Variants in BMPR1B observed in about 807,000 individuals in gnomAD.
The protein encoded by BMPR1B is bone morphogenetic protein receptor type-1B.
BMPR1B carries 12 observed loss-of-function variants against 59.1 expected under a neutral mutation model. That is an observed-to-expected ratio of 0.20 (90% CI 0.13 to 0.33). The LOEUF (loss-of-function observed/expected upper bound fraction) is 0.33. Among genes scored for constraint, BMPR1B ranks in the 10% least tolerant of loss-of-function variants. BMPR1B has a pLI of 1.00. For missense variants in BMPR1B, 550 were observed against 610.9 expected (o/e 0.90, Z 1.05); for synonymous variants, 237 against 207.3 (o/e 1.14, Z -1.23).
At chr4:94,903,196 A>G (rs1317111514) in intron 2 of BMPR1B, among the ~76,000 whole-genome samples, 1 of 152,056 alleles carries the variant, frequency 6.6e-6, no homozygotes, top group Non-Finnish European at 1.5e-5. Flanking sequence ...CTTAGGGCAA[A>G]GTGTATTTTT....
At chr4:94,934,471 T>TTTTTTTTC (rs1553919637) in intron 2 of BMPR1B, among the ~76,000 whole-genome samples, 8 of 150,286 alleles carry the variant, frequency 5.3e-5, no homozygotes, top group Non-Finnish European at 7.4e-5. Flanking sequence ...TTTTTTTTTT[T>TTTTTTTTC]CTCCTCCTTC....
intron 12 of BMPR1B, among the ~76,000 whole-genome samples, chr4:95,153,126 T>C (rs1433608804): frequency 1.3e-5 from 2 of 152,206 alleles, no homozygotes; most frequent in Admixed American, 6.5e-5. Context: ...GACAAACCCA[T>C]GTACAGCATT....
chr4:95,108,910 CTA>C (rs1215284100), intron 4 of BMPR1B, among the ~76,000 whole-genome samples: 3 of 152,086 alleles, frequency 2.0e-5, no homozygotes, highest in African/African-American at 7.2e-5. Flanking sequence ...ACCTTGAGTG[CTA>C]TAGTTTCCTT....
intron 3 of BMPR1B, among the ~76,000 whole-genome samples, chr4:95,082,941 G>A (rs574689216): frequency 2.0e-5 from 3 of 148,986 alleles, no homozygotes; most frequent in South Asian, 2.1e-4. Flanking sequence ...AAGAGGCTGA[G>A]GCAGGAGAAT....
At chr4:94,891,261 A>G (rs901955436) in intron 2 of BMPR1B, among the ~76,000 whole-genome samples, 2 of 152,122 alleles carry the variant, frequency 1.3e-5, no homozygotes, top group African/African-American at 4.8e-5. Flanking sequence ...AGATAAAGCA[A>G]TAAAACTTGG....
intron 2 of BMPR1B, among the ~76,000 whole-genome samples, chr4:94,974,266 T>C (rs1264150328): frequency 1.3e-5 from 2 of 152,250 alleles, no homozygotes; most frequent in Non-Finnish European, 2.9e-5. Context: ...ATTAACACTT[T>C]CTTCTATTTC....
intron 1 of BMPR1B, among the ~76,000 whole-genome samples, chr4:94,782,099 C>G (rs1383606950): frequency 6.7e-6 from 1 of 149,018 alleles, no homozygotes; most frequent in African/African-American, 2.5e-5. Flanking sequence ...TTTTTTTTTT[C>G]TCCTCTTTTT....
chr4:94,843,822 C>T (rs1373588603), intron 1 of BMPR1B, among the ~76,000 whole-genome samples: 1 of 152,114 alleles, frequency 6.6e-6, no homozygotes, highest in Non-Finnish European at 1.5e-5. Flanking sequence ...CCTTTGCCTC[C>T]TTGATTTTGG....
intron 8 of BMPR1B, among the ~76,000 whole-genome samples, chr4:95,127,185 T>C (rs1358174304): frequency 6.6e-6 from 1 of 152,102 alleles, no homozygotes; most frequent in Non-Finnish European, 1.5e-5. Flanking sequence ...AGTACAGTTA[T>C]AGTCATTGTA....
chr4:95,058,337 T>C (rs552060742), intron 3 of BMPR1B, among the ~76,000 whole-genome samples: 3 of 152,300 alleles, frequency 2.0e-5, no homozygotes, highest in East Asian at 1.9e-4. Flanking sequence ...CATGAGTACC[T>C]GGTGAAAATT....
intron 3 of BMPR1B, among the ~76,000 whole-genome samples, chr4:95,075,066 T>G (rs571799296): frequency 1.3e-5 from 2 of 152,278 alleles, no homozygotes; most frequent in African/African-American, 4.8e-5. Context: ...CACTTACTCT[T>G]AAGTAATTTA....
chr4:95,116,414 AGCGC>A (rs746066664), intron 6 of BMPR1B, among the ~76,000 whole-genome samples: 17 of 74,256 alleles, frequency 2.3e-4, no homozygotes, highest in African/African-American at 5.5e-4. Context: ...CCATGCTTTC[AGCGC>A]GCGCACACAC....
chr4:95,132,941 C>T (rs1178218571), intron 10 of BMPR1B, among the ~76,000 whole-genome samples: 1 of 152,114 alleles, frequency 6.6e-6, no homozygotes, highest in African/African-American at 2.4e-5. Flanking sequence ...CTCTGTACTC[C>T]AACTTCTCCT....
intron 3 of BMPR1B, among the ~76,000 whole-genome samples, chr4:95,035,353 T>A (rs945125015): frequency 3.3e-5 from 5 of 152,170 alleles, no homozygotes; most frequent in Non-Finnish European, 5.9e-5. Context: ...ACTCTTTGCC[T>A]AAGCCAATGT....
intron 3 of BMPR1B, among the ~76,000 whole-genome samples, chr4:95,096,971 ATAGT>A (rs1396288705): frequency 7.0e-6 from 1 of 143,858 alleles, no homozygotes; most frequent in African/African-American, 2.5e-5. Context: ...TTTATTATAT[ATAGT>A]TATATAGTTT....
At chr4:94,935,943 G>T (rs1163499882) in intron 2 of BMPR1B, among the ~76,000 whole-genome samples, 3 of 151,806 alleles carry the variant, frequency 2.0e-5, no homozygotes, top group Admixed American at 6.6e-5. Flanking sequence ...GCATTTTTTT[G>T]TTGTTAGACT....
At chr4:94,829,828 T>C (rs946880843) in intron 1 of BMPR1B, among the ~76,000 whole-genome samples, 2 of 152,224 alleles carry the variant, frequency 1.3e-5, no homozygotes, top group Non-Finnish European at 2.9e-5. Flanking sequence ...TAGTTTATTA[T>C]ATTTTACAGT....
chr4:94,887,111 T>C (rs373459279), intron 2 of BMPR1B, among the ~76,000 whole-genome samples: 18 of 152,006 alleles, frequency 1.2e-4, no homozygotes, highest in Middle Eastern at 3.4e-3. Flanking sequence ...AAGGGTTAAA[T>C]TAGGGTTCTG....
intron 1 of BMPR1B, among the ~76,000 whole-genome samples, chr4:94,869,513 A>C (rs1017158258): frequency 6.6e-6 from 1 of 152,226 alleles, no homozygotes; most frequent in South Asian, 2.1e-4. Context: ...TTCAGATAAC[A>C]TGTATCTTCA....
Sources: allele counts gnomAD v4.1 joint callset (sites outside exome capture counted in the v4.1 genomes callset), GRCh38; gene constraint gnomAD v4.1.1; transcripts MANE v1.5; gene names NCBI Gene and HGNC (gene_info 2026-07-23, HGNC 2026-07-21).